SORL1: variants seen among roughly 807,000 people sequenced by gnomAD.
SORL1 encodes sortilin-related receptor.
In SORL1, 127 loss-of-function variants were observed where a neutral mutation model predicts 273.7. The ratio of observed to expected loss-of-function variants is 0.46; its 90% CI spans 0.40 to 0.54. The LOEUF is 0.54. Ranked by LOEUF, SORL1 falls within the 20% of genes least tolerant of loss-of-function variation. The pLI is 0.00. For synonymous variants in SORL1, 1,031 were observed against 1,067.4 expected (o/e 0.97, Z 0.66); for missense variants, 2,494 against 2,846.1 (o/e 0.88, Z 2.81).
At chr11:121,584,147 T>A (rs1214409474) in intron 26 of SORL1, among the ~76,000 whole-genome samples, 1 of 152,218 alleles carries the variant, frequency 6.6e-6, no homozygotes, top group Non-Finnish European at 1.5e-5. Context: ...CTTTGAGATA[T>A]TTTCTGAGAG....
At chr11:121,505,869 AATGTGGCTGAAC>A (rs1452816244) in intron 6 of SORL1, among the ~76,000 whole-genome samples, 1 of 152,140 alleles carries the variant, frequency 6.6e-6, no homozygotes, top group Non-Finnish European at 1.5e-5. Context: ...TATCCTTGAG[AATGTGGCTGAAC>A]ATGTGGAATG....
intron 1 of SORL1, among the ~76,000 whole-genome samples, chr11:121,461,973 G>GA: frequency 6.6e-6 from 1 of 152,258 alleles, no homozygotes; most frequent in South Asian, 2.1e-4. Flanking sequence ...CGACAATCTT[G>GA]AAAAATGGGG....
At chr11:121,473,997 C>T (rs535568915) in intron 2 of SORL1, among the ~76,000 whole-genome samples, 1 of 152,300 alleles carries the variant, frequency 6.6e-6, no homozygotes, top group South Asian at 2.1e-4. Flanking sequence ...ATGATTGTAC[C>T]CCTCAGGACT....
chr11:121,606,997 G>T (rs759553557), intron 36 of SORL1, 40 bp downstream of exon 36: 20 of 1,442,522 alleles, frequency 1.4e-5, no homozygotes, highest in Non-Finnish European at 4.9e-6. Context: ...TGTGTTGGGG[G>T]TGCTAGGAGA....
At position 121,619,794 on chromosome 11, in the gene SORL1, C is replaced by T. The variant is rs755584884; in HGVS notation, c.5766C>T (p.Tyr1922=). The change falls in exon 43 of 48, where the codon TAC becomes TAT. Residue 1922 remains tyrosine (Y), a synonymous_variant. Coordinates refer to ENST00000260197, the MANE Select transcript of SORL1 (RefSeq NM_003105.6). ...CCTACCAGGGGCCATCCTCTGACTA[C>T]GTTGTAGTGAAGATGATCCCGGACA... ...VVPYQGPSSD[Y]VVVKMIPDSR... is the part of the protein sequence containing the mutation. 1.2e-5 allele frequency: 19 copies of T among 1,613,944 alleles called. No homozygotes were observed. Among genetic ancestry groups the T allele is most frequent in the East Asian group, 4.5e-5 (2 of 44,898 alleles).
At chr11:121,480,659 C>T (rs895600664) in intron 3 of SORL1, among the ~76,000 whole-genome samples, 1 of 147,932 alleles carries the variant, frequency 6.8e-6, no homozygotes, top group African/African-American at 2.5e-5. Flanking sequence ...TCTCCTCCTC[C>T]CCAGCTTCTC....
Position 121,550,321 on chromosome 11 carries a change from C to G in SORL1, c.2180+233C>G, listed in dbSNP as rs552300783. On this transcript the variant is annotated intron_variant, in intron 15 of 47. Transcript: ENST00000260197. The surrounding 1 kb of genome is among the most constrained non-coding windows in gnomAD (Gnocchi z 5.3). ...TAGGAATATCTTAAGTCATCAACTT[C>G]AGCAGGGAAACATCTTCAGAGGAAT... Among the ~76,000 whole-genome samples the G allele has an allele frequency of 4.6e-5, 7 of 152,310 alleles. No individual in the cohort carries two copies. The highest frequency in any genetic ancestry group is 1.7e-4 in the African/African-American group (7 of 41,578).
In SORL1 at chr11:121,477,195, G is replaced by A. The variant is rs1251624687; in HGVS notation, c.403-923G>A. On this transcript the variant is annotated intron_variant, in intron 2 of 47. Transcript: ENST00000260197. ...ACCTATCAGGCTTGTTTTTAACCCCGTGATTATATTAATTATTTCACATCT... is the reference window on the plus strand; with the variant it reads ...ACCTATCAGGCTTGTTTTTAACCCCATGATTATATTAATTATTTCACATCT... 2.6e-5 allele frequency among the ~76,000 whole-genome samples: 4 copies of A among 152,080 alleles called. No homozygotes were observed. The East Asian group carries it at 7.7e-4, about 29-fold the overall frequency.
At chr11:121,544,468 G>A (rs12278993) in intron 13 of SORL1, among the ~76,000 whole-genome samples, 2,452 of 152,240 alleles carry the variant, frequency 0.016, 76 homozygotes, top group African/African-American at 0.056. Context: ...AGATTATAAA[G>A]CCCTTAAAGA....
At chr11:121,496,254 G>C (rs1861627978) in intron 5 of SORL1, among the ~76,000 whole-genome samples, 1 of 152,234 alleles carries the variant, frequency 6.6e-6, no homozygotes, top group East Asian at 1.9e-4. Context: ...AAGCACAGTG[G>C]GAGAAAGGTG....
rs1216442782 is a variant in SORL1 at position 121,625,170 on chromosome 11, A to T, written c.6257A>T (p.Asn2086Ile). 4 of 1,613,946 alleles carry T rather than the reference A, an allele frequency of 2.5e-6. No homozygotes were observed. The highest frequency in any genetic ancestry group is 3.4e-6 in the Non-Finnish European group (4 of 1,179,816). Residue 2086 changes from asparagine to isoleucine, a missense_variant, in exon 46 of 48, where the codon AAC (asparagine) becomes ATC (isoleucine). Physicochemically the swap from Asn to Ile is moderately radical, Grantham distance 149. Transcript: ENST00000260197. ...ACTGACAATTTCTTTAAAATTTCCAACCTGAAGATGGGTCATAATTACACG... is the reference window on the plus strand; with the variant it reads ...ACTGACAATTTCTTTAAAATTTCCATCCTGAAGATGGGTCATAATTACACG... ...NTTDNFFKIS[N>I]LKMGHNYTFT...
At chr11:121,515,540 T>A (rs539209511) in intron 8 of SORL1, among the ~76,000 whole-genome samples, 2 of 152,266 alleles carry the variant, frequency 1.3e-5, no homozygotes, top group Admixed American at 6.5e-5. Context: ...CTGGAAGGGC[T>A]GCAGAGAGGG....
chr11:121,567,559 A>G (rs566996636), intron 22 of SORL1, among the ~76,000 whole-genome samples: 2 of 152,348 alleles, frequency 1.3e-5, no homozygotes, highest in South Asian at 2.1e-4. Flanking sequence ...ACGGTTGTCC[A>G]TCCTCTCACC....
At position 121,629,657 on chromosome 11, in the gene SORL1, A is replaced by G. The variant is rs921764854; in HGVS notation, c.*94A>G. On this transcript the variant is annotated 3_prime_UTR_variant, in exon 48 of 48. Coordinates refer to ENST00000260197, the MANE Select transcript of SORL1 (RefSeq NM_003105.6). Reference sequence around the variant, plus strand: ...TTTAAAAGATGCACTTTGAGTTGCAATATGTTATTTTTATATGGGCCAAAA... The same window carrying G: ...TTTAAAAGATGCACTTTGAGTTGCAGTATGTTATTTTTATATGGGCCAAAA... The G allele has an allele frequency of 3.0e-5, 20 of 665,144 alleles. No homozygotes were observed. Among genetic ancestry groups the G allele is most frequent in the African/African-American group, 2.5e-4 (14 of 55,030 alleles). 41.2% of individuals were successfully genotyped at this position (665,144 alleles called of 1,614,324 possible). A position where few individuals can be genotyped will look rare whatever the true frequency, so the allele number is the denominator to read the frequency against.
Position 121,563,293 on chromosome 11 carries a change from C to G in SORL1, c.3049+3636C>G, listed in dbSNP as rs1862705667. On this transcript the variant is annotated intron_variant, in intron 21 of 47. Transcript: ENST00000260197. The surrounding 1 kb of genome is among the most constrained non-coding windows in gnomAD (Gnocchi z 4.2). ...ATGACAGCAGTTCAGAAGTACTGTT[C>G]TAGATTTTGATTGATGATGGTTCAT... Among the ~76,000 whole-genome samples the G allele has an allele frequency of 6.6e-6, 1 of 152,156 alleles. No individual in the cohort carries two copies. The highest frequency in any genetic ancestry group is 6.5e-5 in the Admixed American group (1 of 15,278).
Position 121,633,685 on chromosome 11 carries a change from T to G in SORL1, c.*4122T>G, listed in dbSNP as rs1361482860. ...TAACTGGGTCAAGAAAACACCTCTT[T>G]GAAAATCCACTGTCTCTGTGTGTCT... On this transcript the variant is annotated 3_prime_UTR_variant, in exon 48 of 48. Coordinates refer to ENST00000260197, the MANE Select transcript of SORL1 (RefSeq NM_003105.6). The G allele has an allele frequency of 6.6e-6, 1 of 152,228 alleles. No homozygotes were observed. The highest frequency in any genetic ancestry group is 1.9e-4 in the East Asian group (1 of 5,202). 9.4% of individuals were successfully genotyped at this position (152,228 alleles called of 1,614,324 possible).
chr11:121,579,388 G>A (rs1280889799), intron 25 of SORL1, among the ~76,000 whole-genome samples: 2 of 152,208 alleles, frequency 1.3e-5, no homozygotes, highest in South Asian at 2.1e-4. Flanking sequence ...AAAGAAATAG[G>A]TCAAGGTAGC....
At chr11:121,533,239 G>C (rs1264104529) in intron 12 of SORL1, among the ~76,000 whole-genome samples, 2 of 152,068 alleles carry the variant, frequency 1.3e-5, no homozygotes, top group Admixed American at 1.3e-4. Flanking sequence ...TGGTGCGTTA[G>C]GTTGGTGGGG....
chr11:121,555,735 G>A (rs1040963008), intron 18 of SORL1, among the ~76,000 whole-genome samples: 1 of 152,056 alleles, frequency 6.6e-6, no homozygotes, highest in Non-Finnish European at 1.5e-5. Flanking sequence ...TAGAGTGATA[G>A]CAACAATATC....
Sources: gnomAD v4.1 joint callset for allele counts (sites outside exome capture counted in the v4.1 genomes callset) on GRCh38, gnomAD v4.1.1 for gene constraint, Gnocchi (gnomAD v3.1) non-coding constraint, MANE v1.5 for transcripts, NCBI Gene and HGNC (gene_info 2026-07-23, HGNC 2026-07-21) for gene names.